The following ZEB1 variants were observed in gnomAD, a reference collection of about 807,000 sequenced individuals.
The protein encoded by ZEB1 is zinc finger E-box binding homeobox 1.
A neutral mutation model predicts 84.9 loss-of-function variants in ZEB1; 21 were observed. The ratio of observed to expected loss-of-function variants is 0.25; its 90% CI spans 0.18 to 0.36. The LOEUF (loss-of-function observed/expected upper bound fraction) is 0.36, where lower values mean the gene tolerates loss of function less well. ZEB1 is among the 10% of genes least tolerant of loss of function. The pLI is 1.00. For synonymous variants in ZEB1, 420 were observed against 471.1 expected, an observed-to-expected ratio of 0.89 and a Z score of 1.41; for missense variants, 1,104 against 1,330.2, an observed-to-expected ratio of 0.83 and a Z score of 2.65.
intron 2 of ZEB1, among the ~76,000 whole-genome samples, chr10:31,482,438 A>T (rs1486464665): frequency 6.6e-6 from 1 of 151,790 alleles, no homozygotes; most frequent in Non-Finnish European, 1.5e-5. Flanking sequence ...TGGACACATG[A>T]TACAGTGTAG....
intron 3 of ZEB1, among the ~76,000 whole-genome samples, chr10:31,497,962 T>C (rs1027802498): frequency 6.6e-6 from 1 of 150,648 alleles, no homozygotes; most frequent in Non-Finnish European, 1.5e-5. Flanking sequence ...GATAGATAGA[T>C]AGATAGATAG....
intron 1 of ZEB1, among the ~76,000 whole-genome samples, chr10:31,327,709 A>G (rs1356589018): frequency 6.6e-6 from 1 of 152,178 alleles, no homozygotes; most frequent in African/African-American, 2.4e-5. Flanking sequence ...TCACATATTT[A>G]ATAATTACTA....
intron 1 of ZEB1, chr10:31,319,596 C>T: frequency 5.3e-6 from 2 of 380,744 alleles, no homozygotes; most frequent in Non-Finnish European, 9.3e-6. Context: ...GCCGCATCCC[C>T]GGCGCAGGGC....
chr10:31,475,111 G>C (rs1032667704), intron 2 of ZEB1, among the ~76,000 whole-genome samples: 1 of 151,854 alleles, frequency 6.6e-6, no homozygotes, highest in Non-Finnish European at 1.5e-5. Context: ...CCTAATGCTA[G>C]ATGACGAGTT....
intron 1 of ZEB1, among the ~76,000 whole-genome samples, chr10:31,422,952 T>C (rs923949567): frequency 1.3e-5 from 2 of 152,048 alleles, no homozygotes; most frequent in African/African-American, 4.8e-5. Flanking sequence ...TTAATTTGCT[T>C]AGGATGACAG....
rs1228743521 is a variant in ZEB1, at chr10:31,502,333, A to G, written c.323-15A>G. 1 of 1,613,290 alleles carries G rather than the reference A, an allele frequency of 6.2e-7. No individual in the cohort carries two copies. The highest frequency in any genetic ancestry group is 8.5e-7 in the Non-Finnish European group (1 of 1,179,432). ...GTGGTGAGATTGCTGTCTTAAAAGT[A>G]TGCATTTTTTTTAGTAAAAGATGAT... On this transcript the variant is annotated splice_polypyrimidine_tract_variant and intron_variant, in intron 3 of 8. Transcript: ENST00000424869.
chr10:31,473,422 A>G (rs1482500059), intron 2 of ZEB1, among the ~76,000 whole-genome samples: 1 of 152,034 alleles, frequency 6.6e-6, no homozygotes, highest in African/African-American at 2.4e-5. Context: ...GTAACAGACA[A>G]ACAGAGAGCC....
chr10:31,331,196 C>A (rs1280202297), intron 1 of ZEB1, among the ~76,000 whole-genome samples: 1 of 143,556 alleles, frequency 7.0e-6, no homozygotes, highest in East Asian at 2.1e-4. Context: ...AAGTGATTCT[C>A]CTGCCTCAAC....
chr10:31,410,340 C>G (rs1314375944), intron 1 of ZEB1, among the ~76,000 whole-genome samples: 1 of 151,946 alleles, frequency 6.6e-6, no homozygotes, highest in East Asian at 1.9e-4. Context: ...GCAGCTTCAT[C>G]CCAGGTATGA....
intron 1 of ZEB1, among the ~76,000 whole-genome samples, chr10:31,411,530 G>T (rs1388894732): frequency 6.6e-6 from 1 of 151,718 alleles, no homozygotes; most frequent in Non-Finnish European, 1.5e-5. Flanking sequence ...TACTCGGGAG[G>T]CTGATGCAGG....
At chr10:31,525,907 T>C (rs2073336486) in intron 8 of ZEB1, among the ~76,000 whole-genome samples, 1 of 152,208 alleles carries the variant, frequency 6.6e-6, no homozygotes, top group East Asian at 1.9e-4. Flanking sequence ...GTGAAAAATA[T>C]ATATGAAAAA....
intron 1 of ZEB1, among the ~76,000 whole-genome samples, chr10:31,341,993 C>G (rs1402585789): frequency 1.3e-5 from 2 of 152,106 alleles, no homozygotes; most frequent in East Asian, 3.9e-4. Context: ...GAAGTTAGAG[C>G]AGTTTAGATG....
chr10:31,319,172 G>GGGGGGGA (rs1316403828), upstream of ZEB1: 37 of 1,120,400 alleles, frequency 3.3e-5, no homozygotes, highest in East Asian at 4.2e-4. Context: ...GCGGAGGGGT[G>GGGGGGGA]GGGGGGAAGG....
chr10:31,392,599 G>C (rs1390136511), intron 1 of ZEB1, among the ~76,000 whole-genome samples: 1 of 151,922 alleles, frequency 6.6e-6, no homozygotes, highest in Non-Finnish European at 1.5e-5. Flanking sequence ...CAAAATGAAG[G>C]AAATATTATT....
At chr10:31,440,493 G>A (rs962521722) in intron 1 of ZEB1, among the ~76,000 whole-genome samples, 1 of 151,914 alleles carries the variant, frequency 6.6e-6, no homozygotes, top group Admixed American at 6.5e-5. Flanking sequence ...TTGAAAACTG[G>A]CGCAAGACAG....
chr10:31,413,046 C>G (rs1254552512), intron 1 of ZEB1, among the ~76,000 whole-genome samples: 3 of 151,998 alleles, frequency 2.0e-5, no homozygotes, highest in African/African-American at 7.2e-5. Flanking sequence ...TTATCTTAAT[C>G]CAAAATCACA....
At chr10:31,328,562 G>T (rs1040298794) in intron 1 of ZEB1, among the ~76,000 whole-genome samples, 1 of 152,112 alleles carries the variant, frequency 6.6e-6, no homozygotes, top group African/African-American at 2.4e-5. Context: ...TGTAAAATTT[G>T]TACATTGTTT....
intron 1 of ZEB1, among the ~76,000 whole-genome samples, chr10:31,346,675 A>G (rs1341425308): frequency 2.0e-5 from 3 of 152,168 alleles, no homozygotes; most frequent in Non-Finnish European, 2.9e-5. Context: ...CATCTAAAAT[A>G]GAAAAATATC....
At chr10:31,338,193 T>TTAGAAAAA (rs1470165952) in intron 1 of ZEB1, among the ~76,000 whole-genome samples, 1 of 152,242 alleles carries the variant, frequency 6.6e-6, no homozygotes, top group Non-Finnish European at 1.5e-5. Context: ...TTAAAATATG[T>TTAGAAAAA]GTGTTACTAT....
Sources: allele counts gnomAD v4.1 joint callset (sites outside exome capture counted in the v4.1 genomes callset), GRCh38; gene constraint gnomAD v4.1.1; transcripts MANE v1.5; gene names NCBI Gene and HGNC (gene_info 2026-07-23, HGNC 2026-07-21).